Variants in MACF1 observed in about 807,000 individuals in gnomAD.
MACF1 encodes the protein microtubule actin crosslinking factor 1, also known as microtubule-actin cross-linking factor 1.
A neutral mutation model predicts 854.8 loss-of-function variants in MACF1; 193 were observed. That is an observed-to-expected ratio of 0.23 (90% CI 0.20 to 0.25). The LOEUF (loss-of-function observed/expected upper bound fraction) is 0.25. Ranked by LOEUF, MACF1 falls within the 10% of genes least tolerant of loss-of-function variation. The pLI is 1.00. For missense variants in MACF1, 7,722 were observed against 8,929.1 expected, an observed-to-expected ratio of 0.86 and a Z score of 5.45; for synonymous variants, 3,185 against 3,226.7, an observed-to-expected ratio of 0.99 and a Z score of 0.44.
At chr1:39,305,882 C>T (rs1242444099) in intron 23 of MACF1, among the ~76,000 whole-genome samples, 3 of 152,136 alleles carry the variant, frequency 2.0e-5, no homozygotes, top group African/African-American at 4.8e-5. Context: ...TCTTAGAACC[C>T]TCATGGACCA....
chr1:39,343,444 T>C (rs931991495), intron 40 of MACF1, among the ~76,000 whole-genome samples: 2 of 152,226 alleles, frequency 1.3e-5, no homozygotes, highest in Non-Finnish European at 2.9e-5. Context: ...GGGAGAGAGT[T>C]TCAGACTTTA....
chr1:39,232,662 G>A (rs1430615771), intron 2 of MACF1, among the ~76,000 whole-genome samples: 1 of 151,414 alleles, frequency 6.6e-6, no homozygotes, highest in Non-Finnish European at 1.5e-5. Context: ...GATATGGGAT[G>A]ATCTCACAGA....
chr1:39,211,849 C>G (rs1644521009), intron 1 of MACF1, among the ~76,000 whole-genome samples: 1 of 152,056 alleles, frequency 6.6e-6, no homozygotes, highest in Admixed American at 6.5e-5. Flanking sequence ...CCACTGCACT[C>G]TAGCCTGGGC....
intron 31 of MACF1, among the ~76,000 whole-genome samples, chr1:39,321,044 T>C (rs1646506222): frequency 6.6e-6 from 1 of 152,238 alleles, no homozygotes. Context: ...GAATGTAAGT[T>C]CCAAGGGAGC....
intron 69 of MACF1, among the ~76,000 whole-genome samples, chr1:39,434,841 G>A (rs924413376): frequency 2.6e-5 from 4 of 152,058 alleles, no homozygotes; most frequent in East Asian, 3.8e-4. Context: ...TAGAGATGTC[G>A]AGAACCTTAG....
At chr1:39,417,468 C>T (rs911783259) in intron 58 of MACF1, among the ~76,000 whole-genome samples, 2 of 152,084 alleles carry the variant, frequency 1.3e-5, no homozygotes, top group Non-Finnish European at 1.5e-5. Flanking sequence ...CTCTGCTGAT[C>T]GGCAGAATCT....
chr1:39,207,335 A>G (rs1290672194), intron 1 of MACF1, among the ~76,000 whole-genome samples: 2 of 150,914 alleles, frequency 1.3e-5, no homozygotes, highest in East Asian at 1.9e-4. Context: ...CTGGAGTACA[A>G]TGGAGCACAA....
intron 26 of MACF1, among the ~76,000 whole-genome samples, 156 bp from the exon 27 acceptor site, chr1:39,315,357 T>G (rs1297349687): frequency 1.3e-5 from 2 of 152,214 alleles, no homozygotes; most frequent in African/African-American, 2.4e-5. Flanking sequence ...GCTGCATAAT[T>G]CTCCATCGTA....
At chr1:39,428,421 T>C in intron 63 of MACF1, 134 bp downstream of exon 63, 3 of 822,324 alleles carry the variant, frequency 3.6e-6, no homozygotes, top group Non-Finnish European at 5.6e-6. Flanking sequence ...GCATAGTTAG[T>C]GGACTTGATG....
At chr1:39,371,010 T>G (rs779966853) in intron 51 of MACF1, among the ~76,000 whole-genome samples, 2 of 152,104 alleles carry the variant, frequency 1.3e-5, no homozygotes, top group Non-Finnish European at 2.9e-5. Flanking sequence ...TTGGGGACTG[T>G]GGCTCTTTGG....
intron 20 of MACF1, among the ~76,000 whole-genome samples, chr1:39,296,787 A>AG (rs1571288748): frequency 1.2e-5 from 1 of 80,466 alleles, no homozygotes; most frequent in African/African-American, 5.0e-5. Context: ...AAAGAAAGAA[A>AG]GAAAGGAAGG....
chr1:39,442,999 G>C, intron 78 of MACF1, 88 bp downstream of exon 78: 1 of 1,310,720 alleles, frequency 7.6e-7, no homozygotes, highest in Non-Finnish European at 1.1e-6. Flanking sequence ...AATTTGAAAA[G>C]CAAAGAATCC....
chr1:39,228,543 A>T (rs564322926), intron 1 of MACF1, among the ~76,000 whole-genome samples: 128 of 152,366 alleles, frequency 8.4e-4, no homozygotes, highest in African/African-American at 2.8e-3. Context: ...GCATCTAAAA[A>T]GATCAAAATA....
intron 52 of MACF1, among the ~76,000 whole-genome samples, chr1:39,375,320 G>C (rs1325723380): frequency 1.4e-5 from 2 of 147,974 alleles, no homozygotes; most frequent in Admixed American, 1.3e-4. Context: ...TTTTTTTCCT[G>C]AGACGGAGTC....
At position 39,336,446 on chromosome 1, in the gene MACF1, G is replaced by A. The variant is rs140185770; in HGVS notation, c.9858G>A (p.Gly3286=). 4.3e-6 allele frequency: 7 copies of A among 1,614,000 alleles called. No homozygotes were observed. In the African/African-American group the frequency reaches 5.3e-5, roughly 12 times the overall value. Residue 3286 remains glycine (G), a synonymous_variant, in exon 37 of 101, where the codon GGG becomes GGA. Coordinates refer to ENST00000564288, the MANE Select transcript of MACF1 (RefSeq NM_001394062.1). Reference sequence around the variant, plus strand: ...GAGTGTCTCAAAAAGAGAATACAGGGCAACAGAATGCCATCATTAGTCCTA... The same window carrying A: ...GAGTGTCTCAAAAAGAGAATACAGGACAACAGAATGCCATCATTAGTCCTA... ...FKGVSQKENT[G]QQNAIISPTV...
chr1:39,413,127 G>C, intron 58 of MACF1: 1 of 1,611,064 alleles, frequency 6.2e-7, no homozygotes, highest in Non-Finnish European at 8.5e-7. Context: ...TCTCCCCAGA[G>C]TGGGCTGCTT....
Position 39,303,045 on chromosome 1 carries a change from C to G in MACF1, c.2756C>G (p.Pro919Arg), listed in dbSNP as rs1646081946. The change falls in exon 23 of 101, where the codon CCA (proline) becomes CGA (arginine). Residue 919 changes from proline to arginine, a missense_variant. Pro to Arg is a moderately radical substitution (Grantham distance 103, BLOSUM62 -2). Transcript: ENST00000564288. ...CCGTCAGTCTGCTTCCTCATCCCCC[C>G]ACCCAATAAGGATGCCATTGAGATG... ...MVPSVCFLIP[P>R]PNKDAIEMAS... The G allele has an allele frequency of 6.2e-7, 1 of 1,614,164 alleles. No homozygotes were observed. Among genetic ancestry groups the G allele is most frequent in the Non-Finnish European group, 8.5e-7 (1 of 1,179,988 alleles).
intron 49 of MACF1, 103 bp downstream of exon 49, chr1:39,361,780 C>T: frequency 9.4e-7 from 1 of 1,062,750 alleles, no homozygotes; most frequent in Admixed American, 2.2e-5. Context: ...ATACTGGAAA[C>T]TACCTGCATT....
chr1:39,342,009 A>G (rs990229565), intron 40 of MACF1, among the ~76,000 whole-genome samples: 2 of 152,052 alleles, frequency 1.3e-5, no homozygotes, highest in African/African-American at 4.8e-5. Flanking sequence ...GGTAATAAGC[A>G]TAGTAACCAA....
Sources: gnomAD v4.1 joint callset for allele counts (sites outside exome capture counted in the v4.1 genomes callset) on GRCh38, gnomAD v4.1.1 for gene constraint, MANE v1.5 for transcripts, NCBI Gene and HGNC (gene_info 2026-07-23, HGNC 2026-07-21) for gene names.